The following MGAT4D variants were observed in gnomAD, a reference collection of about 807,000 sequenced individuals.
MGAT4D encodes MGAT4 family member D, also known as alpha-1,3-mannosyl-glycoprotein 4-beta-N-acetylglucosaminyltransferase-like protein MGAT4D.
MGAT4D carries 34 observed loss-of-function variants against 15.9 expected under a neutral mutation model. The observed-to-expected ratio is 2.14, with a 90% confidence interval of 1.62 to 2.84. The LOEUF is 2.84. Among genes scored for constraint, MGAT4D ranks in the 30% most tolerant of loss-of-function variants. MGAT4D has a pLI of 0.00. For synonymous variants in MGAT4D, 112 were observed against 48.2 expected (o/e 2.33, Z -5.49); for missense variants, 327 against 140.2 (o/e 2.33, Z -6.73).
chr4:140,497,737 T>C (rs1380203246), intron 1 of MGAT4D, among the ~76,000 whole-genome samples: 1 of 152,218 alleles, frequency 6.6e-6, no homozygotes, highest in South Asian at 2.1e-4. Context: ...TGCGGACAGA[T>C]GCTGGCTGTG....
chr4:140,451,999 A>C (rs201035167), intron 9 of MGAT4D, among the ~76,000 whole-genome samples: 97,066 of 145,652 alleles, frequency 0.67, 34,046 homozygotes, highest in Non-Finnish European at 0.79. Context: ...TTTCTCAAAA[A>C]AAAAAAAAAA....
chr4:140,460,942 C>G (rs1333804644), intron 7 of MGAT4D, among the ~76,000 whole-genome samples: 1 of 152,132 alleles, frequency 6.6e-6, no homozygotes, highest in Non-Finnish European at 1.5e-5. Flanking sequence ...TAGTTCCCAG[C>G]AAAGAGAAGC....
intron 9 of MGAT4D, among the ~76,000 whole-genome samples, chr4:140,455,574 C>T (rs761304042): frequency 6.6e-6 from 1 of 152,066 alleles, no homozygotes; most frequent in Non-Finnish European, 1.5e-5. Flanking sequence ...CAATTAAATC[C>T]AGTTGGCAGA....
Position 140,474,965 on chromosome 4 carries a change from GA to G in MGAT4D, c.392-20del, listed in dbSNP as rs1732218697. On this transcript the variant is annotated intron_variant, in intron 3 of 10. Coordinates refer to ENST00000511113, the MANE Select transcript of MGAT4D (RefSeq NM_001277353.2). ...AAAGAAACTGTGGACATAGGAGTAT[GA>G]AATCATCATTCCATACCACAGAGAA... The G allele has an allele frequency of 1.5e-6, 1 of 648,582 alleles. No homozygotes were observed. The highest frequency in any genetic ancestry group is 1.8e-5 in the African/African-American group (1 of 54,378). 40.2% of individuals were successfully genotyped at this position (648,582 alleles called of 1,614,324 possible).
chr4:140,445,077 G>T (rs1263837569), intron 10 of MGAT4D, among the ~76,000 whole-genome samples: 1 of 151,948 alleles, frequency 6.6e-6, no homozygotes, highest in Non-Finnish European at 1.5e-5. Flanking sequence ...TAGAGATGGG[G>T]TTTCACTATG....
intron 5 of MGAT4D, among the ~76,000 whole-genome samples, chr4:140,466,210 T>A (rs557643292): frequency 6.6e-6 from 1 of 152,278 alleles, no homozygotes; most frequent in East Asian, 1.9e-4. Flanking sequence ...AAAGAGCTGA[T>A]CATGGGAATG....
At chr4:140,469,717 C>G (rs1731787392) in intron 5 of MGAT4D, among the ~76,000 whole-genome samples, 2 of 152,268 alleles carry the variant, frequency 1.3e-5, no homozygotes, top group Admixed American at 6.5e-5. Flanking sequence ...AACTGAAATT[C>G]AGCTCCTAAG....
intron 1 of MGAT4D, among the ~76,000 whole-genome samples, chr4:140,486,208 C>T (rs932899682): frequency 3.9e-5 from 6 of 152,108 alleles, no homozygotes; most frequent in African/African-American, 1.4e-4. Flanking sequence ...ACTGAATGCT[C>T]TTCCCCCATA....
intron 7 of MGAT4D, among the ~76,000 whole-genome samples, chr4:140,461,629 G>T (rs536310201): frequency 1.3e-5 from 2 of 151,676 alleles, no homozygotes; most frequent in African/African-American, 2.4e-5. Context: ...ATACAATTTC[G>T]TTTTTTTGAG....
chr4:140,468,950 C>G (rs1196630541), intron 5 of MGAT4D, among the ~76,000 whole-genome samples: 1 of 152,112 alleles, frequency 6.6e-6, no homozygotes, highest in East Asian at 1.9e-4. Flanking sequence ...CCTCTTTGGT[C>G]TCAGTACTGT....
At chr4:140,453,652 T>A (rs1402838991) in intron 9 of MGAT4D, among the ~76,000 whole-genome samples, 1 of 152,014 alleles carries the variant, frequency 6.6e-6, no homozygotes, top group Non-Finnish European at 1.5e-5. Context: ...ATTTCCCCCA[T>A]GCTGTTCTCA....
intron 1 of MGAT4D, among the ~76,000 whole-genome samples, chr4:140,486,680 C>T (rs1220144651): frequency 2.6e-5 from 4 of 152,114 alleles, no homozygotes; most frequent in Admixed American, 6.6e-5. Flanking sequence ...TCTGAAACAG[C>T]GATTTGCATA....
intron 1 of MGAT4D, among the ~76,000 whole-genome samples, chr4:140,483,788 T>C (rs555371231): frequency 6.6e-6 from 1 of 152,118 alleles, no homozygotes; most frequent in Non-Finnish European, 1.5e-5. Context: ...TAAAAACGTG[T>C]TTGGAAAACT....
At chr4:140,496,251 T>C (rs1733827440) in intron 1 of MGAT4D, among the ~76,000 whole-genome samples, 1 of 152,240 alleles carries the variant, frequency 6.6e-6, no homozygotes, top group African/African-American at 2.4e-5. Flanking sequence ...CAGCTCATTA[T>C]AGGATTGATA....
intron 1 of MGAT4D, among the ~76,000 whole-genome samples, chr4:140,497,500 T>C (rs748852565): frequency 2.0e-5 from 3 of 152,232 alleles, no homozygotes; most frequent in Non-Finnish European, 4.4e-5. Context: ...TTTCCTAAAT[T>C]GGCACTTCTA....
chr4:140,445,818 T>C (rs2126658038), intron 10 of MGAT4D, among the ~76,000 whole-genome samples: 1 of 152,298 alleles, frequency 6.6e-6, no homozygotes. Flanking sequence ...TTTGTCAGCT[T>C]TGTTGAAGAT....
At chr4:140,457,268 T>C in intron 8 of MGAT4D, 1 of 152,074 alleles carries the variant, frequency 6.6e-6, no homozygotes, top group East Asian at 1.9e-4. Flanking sequence ...TTTTCTTATA[T>C]ACTGCATCTT....
At chr4:140,485,249 T>C (rs1426940835) in intron 1 of MGAT4D, among the ~76,000 whole-genome samples, 2 of 152,154 alleles carry the variant, frequency 1.3e-5, no homozygotes, top group Non-Finnish European at 2.9e-5. Flanking sequence ...ATGTCCTTTG[T>C]AGGGATATGG....
chr4:140,444,887 C>CTTT (rs34468438), intron 10 of MGAT4D, among the ~76,000 whole-genome samples: 2 of 146,212 alleles, frequency 1.4e-5, no homozygotes, highest in African/African-American at 5.0e-5. Context: ...TATTTTTTGC[C>CTTT]TTTTTTTTTT....
Sources: allele counts gnomAD v4.1 joint callset (sites outside exome capture counted in the v4.1 genomes callset), GRCh38; gene constraint gnomAD v4.1.1; transcripts MANE v1.5; gene names NCBI Gene and HGNC (gene_info 2026-07-23, HGNC 2026-07-21).